Variants in PTPRK observed in about 807,000 individuals in gnomAD.
PTPRK encodes receptor-type tyrosine-protein phosphatase kappa.
A neutral mutation model predicts 178.0 loss-of-function variants in PTPRK; 75 were observed. The ratio of observed to expected loss-of-function variants is 0.42; its 90% CI spans 0.35 to 0.51. The LOEUF is 0.51. PTPRK is among the 20% of genes least tolerant of loss of function. The probability of loss-of-function intolerance (pLI) is 0.02; values close to 1 mark genes in which losing one functional copy is unlikely to be tolerated. For missense variants in PTPRK, 1,441 were observed against 1,797.8 expected, an observed-to-expected ratio of 0.80 and a Z score of 3.59; for synonymous variants, 637 against 620.6, an observed-to-expected ratio of 1.03 and a Z score of -0.39.
chr6:128,108,108 A>ACACT (rs2114314529), intron 7 of PTPRK, among the ~76,000 whole-genome samples: 2 of 151,720 alleles, frequency 1.3e-5, no homozygotes, highest in Admixed American at 1.3e-4. Context: ...ACACACACAC[A>ACACT]CACACACACA....
intron 7 of PTPRK, among the ~76,000 whole-genome samples, chr6:128,135,846 T>A (rs892834401): frequency 1.3e-5 from 2 of 150,754 alleles, no homozygotes; most frequent in Admixed American, 1.3e-4. Flanking sequence ...AAAATAAAAA[T>A]AAAAATAATA....
At chr6:127,999,226 G>C (rs1034391298) in intron 15 of PTPRK, among the ~76,000 whole-genome samples, 7 of 152,038 alleles carry the variant, frequency 4.6e-5, no homozygotes, top group Non-Finnish European at 8.8e-5. Flanking sequence ...TAGCAGTATA[G>C]AGTGGGACCA....
Position 127,971,706 on chromosome 6 carries a change from A to G in PTPRK, c.4269+1316T>C, listed in dbSNP as rs187894608. On this transcript the variant is annotated intron_variant, in intron 29 of 29. Coordinates refer to ENST00000368226, the MANE Select transcript of PTPRK (RefSeq NM_002844.4). ...TTTTTGGAAGGTCCCAGAATGGCAC[A>G]GTTTAACCATAGATTTTTTTTTTAA... Among the ~76,000 whole-genome samples, 496 of 152,240 alleles carry G rather than the reference A, an allele frequency of 3.3e-3. 6 individuals are homozygous for G. Among genetic ancestry groups the G allele is most frequent in the African/African-American group, 0.011 (447 of 41,574 alleles).
intron 25 of PTPRK, 95 bp downstream of exon 25, chr6:127,981,021 A>T: frequency 8.2e-7 from 1 of 1,218,098 alleles, no homozygotes; most frequent in Non-Finnish European, 1.1e-6. Context: ...TTTTTAGGTT[A>T]TTTTAATTTC....
intron 7 of PTPRK, among the ~76,000 whole-genome samples, chr6:128,097,574 G>T (rs139730946): frequency 6.6e-6 from 1 of 152,090 alleles, no homozygotes; most frequent in African/African-American, 2.4e-5. Context: ...CCAAAATGAC[G>T]GTGACTGAAA....
In PTPRK at chr6:128,520,272, G is replaced by C. The variant is rs1858849470; in HGVS notation, c.87C>G (p.Gly29=). Residue 29 remains glycine (G), a synonymous_variant, in exon 1 of 30, where the codon GGC becomes GGG. Transcript: ENST00000368226. The part of the protein sequence containing the change: ...SPWPLLGSAQ[G]QFSAGGCTFD... The stretch of plus-strand genomic sequence containing the variant: ...CCGGCCACTCACCTGCGGAGAACTG[G>C]CCTTGGGCCGATCCCAGGAGAGGCC... 2 of 1,601,384 alleles carry C rather than the reference G, an allele frequency of 1.2e-6. No individual in the cohort carries two copies. The highest frequency in any genetic ancestry group is 1.7e-6 in the Non-Finnish European group (2 of 1,173,876).
At chr6:128,110,570 A>T (rs1448472761) in intron 7 of PTPRK, among the ~76,000 whole-genome samples, 1 of 152,042 alleles carries the variant, frequency 6.6e-6, no homozygotes, top group African/African-American at 2.4e-5. Flanking sequence ...ACACTAGAGG[A>T]GCACAGATAT....
intron 7 of PTPRK, among the ~76,000 whole-genome samples, chr6:128,123,140 A>G (rs1350445408): frequency 6.6e-6 from 1 of 152,206 alleles, no homozygotes; most frequent in African/African-American, 2.4e-5. Flanking sequence ...AAAGATGAAC[A>G]TGAGAAGATG....
At chr6:128,324,088 C>T (rs1005511797) in intron 2 of PTPRK, among the ~76,000 whole-genome samples, 1 of 152,170 alleles carries the variant, frequency 6.6e-6, no homozygotes, top group African/African-American at 2.4e-5. Context: ...GAGGACCAGC[C>T]CTGAGATCTT....
intron 3 of PTPRK, among the ~76,000 whole-genome samples, chr6:128,316,750 C>T (rs72969070): frequency 0.08 from 11,751 of 147,578 alleles, 551 homozygotes; most frequent in African/African-American, 0.12. Context: ...CAGAGTCTCA[C>T]GCTGTCGCCC....
At chr6:128,113,845 C>T (rs753370625) in intron 7 of PTPRK, among the ~76,000 whole-genome samples, 27 of 152,104 alleles carry the variant, frequency 1.8e-4, no homozygotes, top group African/African-American at 9.7e-5. Flanking sequence ...TATACACACA[C>T]GGACACATGT....
At chr6:128,482,470 AC>A (rs1852222317) in intron 1 of PTPRK, among the ~76,000 whole-genome samples, 1 of 152,180 alleles carries the variant, frequency 6.6e-6, no homozygotes, top group South Asian at 2.1e-4. Context: ...AGGACTAGAA[AC>A]AGAGACCTGT....
At chr6:127,984,379 A>G (rs1209637296) in intron 22 of PTPRK, among the ~76,000 whole-genome samples, 1 of 152,128 alleles carries the variant, frequency 6.6e-6, no homozygotes, top group African/African-American at 2.4e-5. Context: ...TACTGTGATT[A>G]TTTTGCAGCT....
At chr6:128,098,948 C>A (rs970606963) in intron 7 of PTPRK, among the ~76,000 whole-genome samples, 1 of 151,708 alleles carries the variant, frequency 6.6e-6, no homozygotes, top group African/African-American at 2.4e-5. Context: ...TACACTCCCA[C>A]AGAGAATAAT....
At chr6:128,036,761 G>T (rs1442564948) in intron 13 of PTPRK, among the ~76,000 whole-genome samples, 1 of 149,918 alleles carries the variant, frequency 6.7e-6, no homozygotes, top group Non-Finnish European at 1.5e-5. Flanking sequence ...TTAAGATGGA[G>T]CTTCGCTCTT....
intron 7 of PTPRK, among the ~76,000 whole-genome samples, chr6:128,128,663 T>C (rs1253875604): frequency 1.3e-5 from 2 of 152,124 alleles, no homozygotes; most frequent in Non-Finnish European, 2.9e-5. Context: ...AAGGTAGAAA[T>C]CACAATAACA....
chr6:128,186,460 T>C (rs1802780515), intron 6 of PTPRK, among the ~76,000 whole-genome samples: 1 of 152,044 alleles, frequency 6.6e-6, no homozygotes, highest in African/African-American at 2.4e-5. Context: ...GTGCAAACAT[T>C]TATAATTTCT....
chr6:128,332,902 T>C (rs1223515135), intron 2 of PTPRK, among the ~76,000 whole-genome samples: 2 of 152,204 alleles, frequency 1.3e-5, no homozygotes, highest in Non-Finnish European at 2.9e-5. Context: ...TTCAAAGGAC[T>C]CATTGATCTA....
intron 1 of PTPRK, among the ~76,000 whole-genome samples, chr6:128,508,428 C>G (rs895816211): frequency 1.3e-5 from 2 of 152,142 alleles, no homozygotes; most frequent in African/African-American, 4.8e-5. Flanking sequence ...TCTAGCTTAT[C>G]ACGAAAATTT....
Sources: gnomAD v4.1 joint callset for allele counts (sites outside exome capture counted in the v4.1 genomes callset) on GRCh38, gnomAD v4.1.1 for gene constraint, MANE v1.5 for transcripts, NCBI Gene and HGNC (gene_info 2026-07-23, HGNC 2026-07-21) for gene names.